GPC5: variants seen among roughly 807,000 people sequenced by gnomAD.
GPC5 encodes glypican 5.
In GPC5, 47 loss-of-function variants were observed where a neutral mutation model predicts 53.9. The ratio of observed to expected loss-of-function variants is 0.87; its 90% CI spans 0.69 to 1.11. The LOEUF (loss-of-function observed/expected upper bound fraction) is 1.11, where lower values mean the gene tolerates loss of function less well. Among genes scored for constraint, GPC5 ranks in the 50% most tolerant of loss-of-function variants. The probability of loss-of-function intolerance (pLI) is 0.00; values close to 1 mark genes in which losing one functional copy is unlikely to be tolerated. For synonymous variants in GPC5, 286 were observed against 263.3 expected, an observed-to-expected ratio of 1.09 and a Z score of -0.84; for missense variants, 748 against 713.1, an observed-to-expected ratio of 1.05 and a Z score of -0.56.
chr13:92,691,906 C>T (rs781070185), intron 7 of GPC5, among the ~76,000 whole-genome samples: 21 of 151,914 alleles, frequency 1.4e-4, no homozygotes, highest in Non-Finnish European at 2.6e-4. Context: ...TTAGTGGGTA[C>T]ATATACAGGT....
At chr13:92,864,510 C>T (rs1879281305) in intron 7 of GPC5, among the ~76,000 whole-genome samples, 1 of 151,856 alleles carries the variant, frequency 6.6e-6, no homozygotes, top group Non-Finnish European at 1.5e-5. Flanking sequence ...ATTCACAATG[C>T]TTAAAAATGA....
At chr13:91,883,410 G>A (rs1192225486) in intron 5 of GPC5, among the ~76,000 whole-genome samples, 1 of 152,186 alleles carries the variant, frequency 6.6e-6, no homozygotes, top group East Asian at 1.9e-4. Flanking sequence ...TTGACGAGAA[G>A]AATATCAACC....
Position 91,691,908 on chromosome 13 carries a change from A to G in GPC5, c.326-1279A>G, listed in dbSNP as rs186474963. On this transcript the variant is annotated intron_variant, in intron 2 of 7. Coordinates refer to ENST00000377067, the MANE Select transcript of GPC5 (RefSeq NM_004466.6). ...TAAAAGTGACTATACGGTTGGGACT[A>G]TAGGAGATAATTTTATTGAATATAT... Among the ~76,000 whole-genome samples, 4 of 152,288 alleles carry G rather than the reference A, an allele frequency of 2.6e-5. No individual in the cohort carries two copies. In the East Asian group the frequency reaches 7.7e-4, roughly 29 times the overall value.
At chr13:91,992,141 G>A (rs187824018) in intron 6 of GPC5, among the ~76,000 whole-genome samples, 1 of 152,196 alleles carries the variant, frequency 6.6e-6, no homozygotes, top group African/African-American at 2.4e-5. Flanking sequence ...GGGCTCAAGT[G>A]ATCCTCCTGC....
chr13:92,204,042 C>A (rs2042315114), intron 7 of GPC5, among the ~76,000 whole-genome samples: 1 of 152,066 alleles, frequency 6.6e-6, no homozygotes, highest in Admixed American at 6.5e-5. Context: ...TCTTAAAGCT[C>A]ATGTTATATT....
intron 2 of GPC5, among the ~76,000 whole-genome samples, chr13:91,657,710 C>T (rs1374336473): frequency 6.6e-6 from 1 of 152,054 alleles, no homozygotes; most frequent in Non-Finnish European, 1.5e-5. Flanking sequence ...AAAAAAAAAT[C>T]CTGCCTAAGT....
At chr13:92,419,042 C>T (rs748213532) in intron 7 of GPC5, among the ~76,000 whole-genome samples, 4 of 152,218 alleles carry the variant, frequency 2.6e-5, no homozygotes, top group South Asian at 2.1e-4. Flanking sequence ...GTGCAAGGGA[C>T]GAGAAGACTG....
At chr13:92,831,854 C>T (rs2138822027) in intron 7 of GPC5, among the ~76,000 whole-genome samples, 1 of 152,244 alleles carries the variant, frequency 6.6e-6, no homozygotes, top group South Asian at 2.1e-4. Flanking sequence ...GTAAATTACC[C>T]TTACAATTTA....
chr13:92,619,434 T>C (rs1231931830), intron 7 of GPC5, among the ~76,000 whole-genome samples: 3 of 151,978 alleles, frequency 2.0e-5, no homozygotes, highest in African/African-American at 7.2e-5. Flanking sequence ...CAATTATTCT[T>C]AGGTTAACAC....
intron 6 of GPC5, among the ~76,000 whole-genome samples, chr13:91,972,508 T>G (rs1437812753): frequency 1.3e-5 from 2 of 152,196 alleles, no homozygotes; most frequent in African/African-American, 2.4e-5. Context: ...ATCCTGTCAT[T>G]ATGATGTTAG....
chr13:92,518,776 C>T (rs1181524276), intron 7 of GPC5, among the ~76,000 whole-genome samples: 2 of 152,150 alleles, frequency 1.3e-5, no homozygotes, highest in Admixed American at 1.3e-4. Context: ...TCACACATAA[C>T]AATATTAACC....
intron 7 of GPC5, among the ~76,000 whole-genome samples, chr13:92,596,020 A>T (rs1351707205): frequency 6.6e-6 from 1 of 152,138 alleles, no homozygotes; most frequent in South Asian, 2.1e-4. Context: ...TTGCACAAAA[A>T]TTTCATACTT....
intron 5 of GPC5, among the ~76,000 whole-genome samples, chr13:91,888,792 T>C (rs1032490197): frequency 2.6e-5 from 4 of 152,104 alleles, no homozygotes; most frequent in Non-Finnish European, 2.9e-5. Flanking sequence ...TTATAATCCT[T>C]CTCAATAGAG....
intron 6 of GPC5, among the ~76,000 whole-genome samples, chr13:92,094,289 G>A (rs536231399): frequency 5.5e-4 from 84 of 152,100 alleles, no homozygotes; most frequent in African/African-American, 2.0e-3. Context: ...GGCCGAGGTG[G>A]GTGGATCACG....
chr13:91,942,355 A>G (rs1273291782), intron 6 of GPC5, among the ~76,000 whole-genome samples: 4 of 152,064 alleles, frequency 2.6e-5, no homozygotes, highest in Admixed American at 2.6e-4. Context: ...TTATCATTCA[A>G]GCTGGTGCAT....
At chr13:91,418,440 A>G (rs1196195483) in intron 1 of GPC5, among the ~76,000 whole-genome samples, 1 of 152,190 alleles carries the variant, frequency 6.6e-6, no homozygotes, top group Non-Finnish European at 1.5e-5. Context: ...GAATTGACAC[A>G]AGCATGAAGT....
intron 7 of GPC5, among the ~76,000 whole-genome samples, chr13:92,264,878 CTG>C (rs71815584): frequency 0.25 from 26,089 of 103,802 alleles, 3,057 homozygotes; most frequent in Non-Finnish European, 0.31. Context: ...CTCTCTCTCT[CTG>C]TGTGTGTGTG....
intron 7 of GPC5, among the ~76,000 whole-genome samples, chr13:92,147,854 A>C (rs1448211789): frequency 6.6e-6 from 1 of 152,080 alleles, no homozygotes; most frequent in East Asian, 1.9e-4. Flanking sequence ...CGAGGAAAGG[A>C]GCGAAGTGTA....
intron 2 of GPC5, among the ~76,000 whole-genome samples, chr13:91,511,978 A>G (rs1885253786): frequency 6.6e-6 from 1 of 152,164 alleles, no homozygotes; most frequent in African/African-American, 2.4e-5. Flanking sequence ...ACAAAGGAGA[A>G]TATCCCTTCT....
Sources: gnomAD v4.1 joint callset for allele counts (sites outside exome capture counted in the v4.1 genomes callset) on GRCh38, gnomAD v4.1.1 for gene constraint, MANE v1.5 for transcripts, NCBI Gene and HGNC (gene_info 2026-07-23, HGNC 2026-07-21) for gene names.